Variants in NKD1 observed in about 807,000 individuals in gnomAD.
NKD1 encodes the protein NKD inhibitor of Wnt signaling pathway 1.
NKD1 carries 21 observed loss-of-function variants against 56.0 expected under a neutral mutation model. That is an observed-to-expected ratio of 0.38 (90% CI 0.27 to 0.54). NKD1 has a LOEUF of 0.54. Among genes scored for constraint, NKD1 ranks in the 20% least tolerant of loss-of-function variants. The pLI, the probability that NKD1 is intolerant of heterozygous loss-of-function variation, is 0.82. For synonymous variants in NKD1, 263 were observed against 265.7 expected, an observed-to-expected ratio of 0.99 and a Z score of 0.10; for missense variants, 578 against 642.7, an observed-to-expected ratio of 0.90 and a Z score of 1.09.
chr16:50,616,152 G>T (rs755810904), intron 4 of NKD1: 6 of 443,168 alleles, frequency 1.4e-5, no homozygotes, highest in Middle Eastern at 6.5e-4. Flanking sequence ...AAGGACTGTG[G>T]ATATGTCAGG....
In NKD1 at chr16:50,548,624, G is replaced by A. The variant is rs553989585; in HGVS notation, c.25+46G>A. ...GCTCGCCCCGGGCCCCGCCGCCGTCGCCGCCGCGGTCGCTAACTCTCTCCC... is the reference window on the plus strand; with the variant it reads ...GCTCGCCCCGGGCCCCGCCGCCGTCACCGCCGCGGTCGCTAACTCTCTCCC... On this transcript the variant is annotated intron_variant, in intron 1 of 9. Coordinates refer to ENST00000268459, the MANE Select transcript of NKD1 (RefSeq NM_033119.5). The A allele has an allele frequency of 6.2e-6, 9 of 1,442,970 alleles. No individual in the cohort carries two copies. The South Asian group carries it at 1.2e-4, about 20-fold the overall frequency. 89.4% of individuals were successfully genotyped at this position (1,442,970 alleles called of 1,614,324 possible).
rs900621096 is a variant in NKD1 at position 50,633,982 on chromosome 16, T to G, written c.*201T>G. ...ACTTTTATTTATATGTTGTGGGGAC[T>G]GCATAACTAGCCCAGGAAATGACTC... On this transcript the variant is annotated 3_prime_UTR_variant, in exon 10 of 10. Transcript: ENST00000268459. This position sits in a 1 kb window ranked among gnomAD's most constrained non-coding sequence, Gnocchi z 4.9. The G allele has an allele frequency of 8.6e-6, 4 of 463,554 alleles. No homozygotes were observed. The highest frequency in any genetic ancestry group is 1.5e-5 in the Non-Finnish European group (4 of 263,672). 28.7% of individuals were successfully genotyped at this position (463,554 alleles called of 1,614,324 possible). A position where few individuals can be genotyped will look rare whatever the true frequency, so the allele number is the denominator to read the frequency against.
At chr16:50,585,277 G>A (rs190214840) in intron 3 of NKD1, among the ~76,000 whole-genome samples, 236 of 152,308 alleles carry the variant, frequency 1.5e-3, no homozygotes, top group African/African-American at 5.0e-3. Context: ...TACTGATTAC[G>A]TGGCTGGGGC....
intron 3 of NKD1, chr16:50,558,798 A>G (rs188305827): frequency 2.5e-4 from 38 of 152,080 alleles, no homozygotes; most frequent in African/African-American, 9.2e-4. Flanking sequence ...AATCCCAGCT[A>G]CTTGGGAGGC....
At chr16:50,591,811 C>T (rs756696400) in intron 3 of NKD1, among the ~76,000 whole-genome samples, 1 of 152,198 alleles carries the variant, frequency 6.6e-6, no homozygotes, top group Admixed American at 6.5e-5. Context: ...GGCTGGGGTG[C>T]GAGCCAGGGA....
intron 3 of NKD1, among the ~76,000 whole-genome samples, chr16:50,550,664 C>A (rs1397806301): frequency 2.0e-5 from 3 of 152,102 alleles, no homozygotes; most frequent in East Asian, 3.9e-4. Flanking sequence ...GAGCTGCTGT[C>A]CCCTAGTAAA....
chr16:50,587,884 G>A (rs768081909), intron 3 of NKD1, among the ~76,000 whole-genome samples: 1 of 152,230 alleles, frequency 6.6e-6, no homozygotes, highest in Non-Finnish European at 1.5e-5. Context: ...TCCAGGTTGT[G>A]TGCTCCTTAT....
intron 5 of NKD1, among the ~76,000 whole-genome samples, chr16:50,622,955 G>A (rs188810148): frequency 1.3e-5 from 2 of 152,240 alleles, no homozygotes; most frequent in Non-Finnish European, 2.9e-5. Flanking sequence ...TCCAGGCTCT[G>A]TGCGGTGCCT....
At chr16:50,608,020 A>G in intron 3 of NKD1, 1 of 454,386 alleles carries the variant, frequency 2.2e-6, no homozygotes, top group South Asian at 2.5e-5. Context: ...TCCGGAAGGC[A>G]TGTGTGTTGG....
At chr16:50,615,948 G>A (rs1019226615) in intron 4 of NKD1, 2 of 426,812 alleles carry the variant, frequency 4.7e-6, no homozygotes, top group Admixed American at 2.4e-5. Context: ...GGCCTGGAAT[G>A]CACATATGAT....
chr16:50,570,909 C>T lies in NKD1; in HGVS notation c.192+21354C>T, dbSNP rs117275445. 590 of 985,440 alleles carry T rather than the reference C, an allele frequency of 6.0e-4. 6 individuals are homozygous for T. The East Asian group carries it at 0.014, about 24-fold the overall frequency. The allele number at this position is 985,440 out of a possible 1,614,324, so 61.0% of individuals were successfully genotyped here. A position where few individuals can be genotyped will look rare whatever the true frequency, so the allele number is the denominator to read the frequency against. ...GCAGGTATTGGAGTGATGTAGCCCC[C>T]ACCCCAGCCATAGCAGCCCTGTGCC... is the stretch of plus-strand genomic sequence containing the variant. On this transcript the variant is annotated intron_variant, in intron 3 of 9. Transcript: ENST00000268459.
At chr16:50,625,389 GC>G (rs1875580134) in intron 5 of NKD1, 95 bp from the exon 6 acceptor site, 2 of 839,378 alleles carry the variant, frequency 2.4e-6, no homozygotes, top group Admixed American at 1.7e-5. Flanking sequence ...AGGACAGGTG[GC>G]CGCCCCTTGG....
chr16:50,551,031 G>T (rs1960372814), intron 3 of NKD1, among the ~76,000 whole-genome samples: 1 of 152,162 alleles, frequency 6.6e-6, no homozygotes, highest in Non-Finnish European at 1.5e-5. Flanking sequence ...TACAGCGAGG[G>T]CTTACTTCAA....
intron 3 of NKD1, among the ~76,000 whole-genome samples, chr16:50,583,434 G>A (rs184263302): frequency 1.5e-4 from 23 of 152,194 alleles, no homozygotes; most frequent in South Asian, 4.2e-4. Flanking sequence ...CTACCAAGGC[G>A]TCAGACATGA....
rs1479561243 is a variant in NKD1, at chr16:50,633,785, C to T, written c.*4C>T. ...CCACCACTTCTACCAGACATAGAGC[C>T]CCTCCCCAGGGCCCCACCCTGCCAT... is the stretch of plus-strand genomic sequence containing the variant. On this transcript the variant is annotated 3_prime_UTR_variant, in exon 10 of 10. Coordinates refer to ENST00000268459, the MANE Select transcript of NKD1 (RefSeq NM_033119.5). The surrounding 1 kb of genome is among the most constrained non-coding windows in gnomAD (Gnocchi z 4.9). 2 of 1,449,422 alleles carry T rather than the reference C, an allele frequency of 1.4e-6. No homozygotes were observed. Among genetic ancestry groups the T allele is most frequent in the Admixed American group, 2.4e-5 (1 of 41,820 alleles). 89.8% of individuals were successfully genotyped at this position (1,449,422 alleles called of 1,614,324 possible).
chr16:50,592,786 G>A (rs116794958), intron 3 of NKD1, among the ~76,000 whole-genome samples: 1,575 of 152,158 alleles, frequency 0.01, 30 homozygotes, highest in African/African-American at 0.036. Context: ...GGGAGGGGGA[G>A]GGGGCGGAAT....
intron 3 of NKD1, chr16:50,558,719 C>CAAAAAAAAAAAAAAAAAAAAAAAAAA (rs1186061460): frequency 2.4e-5 from 1 of 41,172 alleles, no homozygotes; most frequent in East Asian, 7.0e-4. Context: ...GCTAAAAATA[C>CAAAAAAAAAAAAAAAAAAAAAAAAAA]AAAAAAAAAA....
chr16:50,588,377 A>T (rs180758614), intron 3 of NKD1, among the ~76,000 whole-genome samples: 10 of 152,342 alleles, frequency 6.6e-5, no homozygotes, highest in Admixed American at 6.5e-4. Flanking sequence ...AAATAAGCCC[A>T]TGCCAAAGCT....
chr16:50,620,364 C>T (rs1288986323), intron 4 of NKD1, among the ~76,000 whole-genome samples: 5 of 152,166 alleles, frequency 3.3e-5, no homozygotes, highest in Non-Finnish European at 7.3e-5. Flanking sequence ...AGACACAAAT[C>T]CCCCATCTAG....
Sources: allele counts gnomAD v4.1 joint callset (sites outside exome capture counted in the v4.1 genomes callset), GRCh38; gene constraint gnomAD v4.1.1; non-coding constraint Gnocchi (gnomAD v3.1); transcripts MANE v1.5; gene names NCBI Gene and HGNC (gene_info 2026-07-23, HGNC 2026-07-21).